TRIM63: variants seen among roughly 807,000 people sequenced by gnomAD.
TRIM63 encodes the protein E3 ubiquitin-protein ligase TRIM63.
A neutral mutation model predicts 46.0 loss-of-function variants in TRIM63; 48 were observed. That is an observed-to-expected ratio of 1.04 (90% CI 0.83 to 1.33). The LOEUF is 1.33. Among genes scored for constraint, TRIM63 ranks in the 40% most tolerant of loss-of-function variants. TRIM63 has a pLI of 0.00. For missense variants in TRIM63, 455 were observed against 441.2 expected, an observed-to-expected ratio of 1.03 and a Z score of -0.28; for synonymous variants, 175 against 162.8, an observed-to-expected ratio of 1.08 and a Z score of -0.57.
chr1:26,063,275 A>G (rs2124442381), intron 2 of TRIM63, among the ~76,000 whole-genome samples: 1 of 152,032 alleles, frequency 6.6e-6, no homozygotes, highest in East Asian at 1.9e-4. Flanking sequence ...TAGACTATAC[A>G]CTCATTGAAA....
At chr1:26,059,057 C>T (rs1030151452) in intron 4 of TRIM63, among the ~76,000 whole-genome samples, 39 of 140,962 alleles carry the variant, frequency 2.8e-4, no homozygotes, top group Non-Finnish European at 4.5e-4. Context: ...TGGAGTCTCG[C>T]TCTGTTGCCC....
chr1:26,062,186 C>T (rs1253626153), intron 2 of TRIM63, among the ~76,000 whole-genome samples: 3 of 151,452 alleles, frequency 2.0e-5, no homozygotes, highest in Non-Finnish European at 4.4e-5. Context: ...AGGAGAATCA[C>T]TTGAAACCAG....
chr1:26,057,970 G>A (rs2124438273), intron 5 of TRIM63, among the ~76,000 whole-genome samples: 1 of 152,214 alleles, frequency 6.6e-6, no homozygotes, highest in Middle Eastern at 3.4e-3. Flanking sequence ...CAAAAAGCCT[G>A]GCCCACAGTA....
At position 26,051,771 on chromosome 1, in the gene TRIM63, GC is replaced by G; in HGVS notation, c.*101del. The G allele has an allele frequency of 1.2e-6, 1 of 807,756 alleles. No individual in the cohort carries two copies. The highest frequency in any genetic ancestry group is 1.7e-6 in the Non-Finnish European group (1 of 578,984). 50.0% of individuals were successfully genotyped at this position (807,756 alleles called of 1,614,324 possible). A position where few individuals can be genotyped will look rare whatever the true frequency, so the allele number is the denominator to read the frequency against. On this transcript the variant is annotated 3_prime_UTR_variant, in exon 9 of 9. Transcript: ENST00000374272. ...TCACCTCCCCATTGCCCCTCCAGGG[GC>G]CCCGACCCCTCCCACCCTGGGCCTG...
chr1:26,057,495 G>T, intron 6 of TRIM63, 133 bp downstream of exon 6: 1 of 1,384,204 alleles, frequency 7.2e-7, no homozygotes, highest in Non-Finnish European at 9.8e-7. Context: ...AAAAGTCAGG[G>T]ATGCAAAGGG....
At chr1:26,053,359 T>C (rs994605339) in intron 8 of TRIM63, among the ~76,000 whole-genome samples, 2 of 152,116 alleles carry the variant, frequency 1.3e-5, no homozygotes, top group African/African-American at 4.8e-5. Flanking sequence ...TTCAAGCGAT[T>C]CTCCTGCCTC....
chr1:26,057,397 GC>G, intron 6 of TRIM63, 70 bp from the exon 7 acceptor site: 1 of 1,572,978 alleles, frequency 6.4e-7, no homozygotes, highest in Non-Finnish European at 8.6e-7. Context: ...GAGGGCACAT[GC>G]TTTGCCACGC....
At chr1:26,057,538 A>T (rs530027440) in intron 6 of TRIM63, 90 bp downstream of exon 6, 2 of 1,483,756 alleles carry the variant, frequency 1.3e-6, no homozygotes, top group South Asian at 2.6e-5. Context: ...AGACCCTCCC[A>T]GCAGGCCTAA....
Position 26,061,232 on chromosome 1 carries a change from G to A in TRIM63, c.435C>T (p.Cys145=), listed in dbSNP as rs773394521. ...LTCEVPTCSM[C]KVFGIHKACE... ...AGGCCTTGTGGATCCCAAACACCTT[G>A]CACATGGAGCAGGTGGGCACCTCAC... The change falls in exon 3 of 9, where the codon TGC becomes TGT. Residue 145 remains cysteine, a synonymous_variant. Transcript: ENST00000374272. 8 of 1,614,080 alleles carry A rather than the reference G, an allele frequency of 5.0e-6. No homozygotes were observed. Among genetic ancestry groups the A allele is most frequent in the Non-Finnish European group, 6.8e-6 (8 of 1,180,028 alleles).
Position 26,055,040 on chromosome 1 carries a change from A to T in TRIM63, c.980-1076T>A, listed in dbSNP as rs116490187. ...CCAGCCAAGTAACTGATATCAGAGT[A>T]TAACCCAGGGAGTTCTGTTGTTTAA... On this transcript the variant is annotated intron_variant, in intron 7 of 8. Coordinates refer to ENST00000374272, the MANE Select transcript of TRIM63 (RefSeq NM_032588.4). Among the ~76,000 whole-genome samples the T allele has an allele frequency of 4.5e-3, 679 of 152,276 alleles. 5 individuals carry two copies. Among genetic ancestry groups the T allele is most frequent in the African/African-American group, 0.013 (546 of 41,552 alleles).
At position 26,061,321 on chromosome 1, in the gene TRIM63, T is replaced by G; in HGVS notation, c.346A>C (p.Lys116Gln). Residue 116 changes from lysine (K) to glutamine (Q), a missense_variant, in exon 3 of 9, where the codon AAG (lysine) becomes CAG (glutamine). Lys to Gln is a moderately conservative substitution (Grantham distance 53). Coordinates refer to ENST00000374272, the MANE Select transcript of TRIM63 (RefSeq NM_032588.4). Reference protein sequence around the residue: ...KQECSSRPLQKGSHPMCKEHE... With the variant: ...KQECSSRPLQQGSHPMCKEHE... Reference sequence around the variant, plus strand: ...TCCTTGCACATGGGGTGACTGCCCTTCTGCAGCGGCCGACTGCAGTGGAGA... The same window carrying G: ...TCCTTGCACATGGGGTGACTGCCCTGCTGCAGCGGCCGACTGCAGTGGAGA... The G allele has an allele frequency of 6.2e-7, 1 of 1,614,086 alleles. No homozygotes were observed. Among genetic ancestry groups the G allele is most frequent in the Non-Finnish European group, 8.5e-7 (1 of 1,179,950 alleles).
In TRIM63 at chr1:26,057,782, C is replaced by T. The variant is rs895282657; in HGVS notation, c.832-132G>A. 7.8e-6 allele frequency: 7 copies of T among 894,300 alleles called. No individual in the cohort carries two copies. The African/African-American group carries it at 8.4e-5, about 11-fold the overall frequency. The allele number at this position is 894,300 out of a possible 1,614,324, so 55.4% of individuals were successfully genotyped here. A position where few individuals can be genotyped will look rare whatever the true frequency, so the allele number is the denominator to read the frequency against. On this transcript the variant is annotated intron_variant, in intron 5 of 8. Transcript: ENST00000374272. The stretch of plus-strand genomic sequence containing the variant: ...CCTAGCCCAGTTGTGACCTGCTCCC[C>T]ACCCCAAACTGAGCAGAATCTGGAA...
intron 2 of TRIM63, among the ~76,000 whole-genome samples, chr1:26,064,627 C>T (rs1213109359): frequency 6.6e-6 from 1 of 152,104 alleles, no homozygotes; most frequent in African/African-American, 2.4e-5. Context: ...GTACTTAGAA[C>T]AGCGCCTGCA....
In TRIM63 at chr1:26,066,265, G is replaced by A. The variant is rs1441925194; in HGVS notation, c.332+3C>T. 13 of 1,613,834 alleles carry A rather than the reference G, an allele frequency of 8.1e-6. No homozygotes were observed. The highest frequency in any genetic ancestry group is 1.7e-5 in the Admixed American group (1 of 59,998). On this transcript the variant is annotated splice_donor_region_variant and intron_variant, in intron 2 of 8. Transcript: ENST00000374272. ...CGGGCCCCCAGCAGGCACGAGAACC[G>A]ACCTGGAGCACTCCTGTTTGTAGAT... is the stretch of plus-strand genomic sequence containing the variant.
chr1:26,063,407 C>G (rs1360607014), intron 2 of TRIM63, among the ~76,000 whole-genome samples: 1 of 152,306 alleles, frequency 6.6e-6, no homozygotes, highest in East Asian at 1.9e-4. Flanking sequence ...CTGATCACAC[C>G]CTGGGCTCTA....
At chr1:26,058,311 G>A (rs2124438504) in intron 5 of TRIM63, 79 bp downstream of exon 5, 2 of 1,282,264 alleles carry the variant, frequency 1.6e-6, no homozygotes, top group South Asian at 2.6e-5. Flanking sequence ...CCCATGGGTG[G>A]TCAGTGGGGA....
rs1329779011 is a variant in TRIM63 at position 26,060,265 on chromosome 1, C to G, written c.597+1G>C. On this transcript the variant is annotated splice_donor_variant, in intron 4 of 8. Coordinates refer to ENST00000374272, the MANE Select transcript of TRIM63 (RefSeq NM_032588.4). LOFTEE classifies it high-confidence loss of function. ...CAGGCAGGACTATTCTGTCCGCTCA[C>G]CTTGGTCACTCGACGGGAATCCTCC... 1.2e-6 allele frequency: 2 copies of G among 1,613,502 alleles called. No homozygotes were observed. The highest frequency in any genetic ancestry group is 2.2e-5 in the East Asian group (1 of 44,876).
chr1:26,051,986 A>T, intron 8 of TRIM63, 103 bp from the exon 9 acceptor site: 1 of 988,426 alleles, frequency 1.0e-6, no homozygotes, highest in Non-Finnish European at 1.4e-6. Flanking sequence ...TTTGAATAAA[A>T]CATCAAACTC....
chr1:26,052,984 C>A (rs2050536124), intron 8 of TRIM63, among the ~76,000 whole-genome samples: 1 of 152,200 alleles, frequency 6.6e-6, no homozygotes, highest in African/African-American at 2.4e-5. Context: ...TCCTCTGTTG[C>A]CAAGGCAAGA....
Sources: gnomAD v4.1 joint callset for allele counts (sites outside exome capture counted in the v4.1 genomes callset) on GRCh38, gnomAD v4.1.1 for gene constraint, MANE v1.5 for transcripts, NCBI Gene and HGNC (gene_info 2026-07-23, HGNC 2026-07-21) for gene names.